The following ZNF536 variants were observed in gnomAD, a reference collection of about 807,000 sequenced individuals.
The protein encoded by ZNF536 is zinc finger protein 536.
A neutral mutation model predicts 84.5 loss-of-function variants in ZNF536; 13 were observed. The observed-to-expected ratio is 0.15, with a 90% confidence interval of 0.10 to 0.24. ZNF536 has a LOEUF of 0.24. Among genes scored for constraint, ZNF536 ranks in the 10% least tolerant of loss-of-function variants. The probability of loss-of-function intolerance (pLI) is 1.00; values close to 1 mark genes in which losing one functional copy is unlikely to be tolerated. For missense variants in ZNF536, 1,536 were observed against 1,747.5 expected (o/e 0.88, Z 2.16); for synonymous variants, 811 against 742.5 (o/e 1.09, Z -1.50).
At chr19:30,449,873 G>A (rs770669226) in intron 2 of ZNF536, among the ~76,000 whole-genome samples, 2 of 152,068 alleles carry the variant, frequency 1.3e-5, no homozygotes, top group Non-Finnish European at 2.9e-5. Flanking sequence ...CTTTATCTGG[G>A]GCGCTTTCGC....
chr19:30,444,421 G>A lies in ZNF536; in HGVS notation c.859G>A (p.Glu287Lys), dbSNP rs1249515909. 3.7e-6 allele frequency: 6 copies of A among 1,608,404 alleles called. No homozygotes were observed. The highest frequency in any genetic ancestry group is 2.2e-5 in the East Asian group (1 of 44,872). ...TFCKGKFKKREELDRHIRILH... is the reference protein window; with the variant it reads ...TFCKGKFKKRKELDRHIRILH... The stretch of plus-strand genomic sequence containing the variant: ...CTGCAAGGGCAAGTTCAAGAAGCGC[G>A]AGGAGCTGGACCGCCACATCCGCAT... The change falls in exon 2 of 5, where the codon GAG becomes AAG. Residue 287 changes from glutamate (E) to lysine (K), a missense_variant. Glu to Lys is a moderately conservative substitution (Grantham distance 56, BLOSUM62 1). Transcript: ENST00000355537.
At chr19:30,382,092 G>T (rs1018792137) in intron 1 of ZNF536, among the ~76,000 whole-genome samples, 2 of 152,194 alleles carry the variant, frequency 1.3e-5, no homozygotes, top group Admixed American at 6.5e-5. Flanking sequence ...CATTTTGGCT[G>T]ATGTGTTCAC....
chr19:30,340,731 C>T (rs760884629), intron 2 of ZNF536, among the ~76,000 whole-genome samples: 3 of 152,158 alleles, frequency 2.0e-5, no homozygotes, highest in African/African-American at 2.4e-5. Flanking sequence ...TTAACTTGTA[C>T]ACAGAGGGCC....
At chr19:30,644,830 G>A (rs1032154617) in intron 1 of ZNF536, among the ~76,000 whole-genome samples, 5 of 152,130 alleles carry the variant, frequency 3.3e-5, no homozygotes, top group Non-Finnish European at 5.9e-5. Context: ...ATAAACATAC[G>A]TGTGCATGTG....
At chr19:30,518,608 C>T (rs1047873051) in intron 2 of ZNF536, among the ~76,000 whole-genome samples, 13 of 152,134 alleles carry the variant, frequency 8.5e-5, no homozygotes, top group Non-Finnish European at 1.5e-4. Context: ...TACGCAGCAC[C>T]GCTTTGAATA....
chr19:30,264,879 GAGAA>G (rs967062098), intron 1 of ZNF536, among the ~76,000 whole-genome samples: 6 of 152,100 alleles, frequency 3.9e-5, no homozygotes, highest in Non-Finnish European at 7.4e-5. Flanking sequence ...TGTGAGGACA[GAGAA>G]AGATAAACCG....
intron 2 of ZNF536, among the ~76,000 whole-genome samples, chr19:30,310,777 C>T (rs527580833): frequency 6.6e-6 from 1 of 152,284 alleles, no homozygotes; most frequent in East Asian, 1.9e-4. Flanking sequence ...CTTCTGTTTG[C>T]GTGACTAAAT....
intron 2 of ZNF536, among the ~76,000 whole-genome samples, chr19:30,525,852 C>G (rs1487699632): frequency 2.0e-5 from 3 of 152,070 alleles, no homozygotes; most frequent in African/African-American, 7.2e-5. Flanking sequence ...GGTTGGAGTG[C>G]AGGTGGGGAG....
At chr19:30,452,677 G>T (rs1296360907) in intron 2 of ZNF536, among the ~76,000 whole-genome samples, 1 of 152,172 alleles carries the variant, frequency 6.6e-6, no homozygotes, top group Non-Finnish European at 1.5e-5. Context: ...TACCCGTAGA[G>T]CTGTTTTGGA....
At chr19:30,356,498 G>A (rs2048099862) in intron 3 of ZNF536, among the ~76,000 whole-genome samples, 2 of 152,202 alleles carry the variant, frequency 1.3e-5, no homozygotes, top group South Asian at 4.1e-4. Flanking sequence ...GCACAGAGGA[G>A]GGAGTGAATA....
chr19:30,464,616 G>A (rs944199400), intron 2 of ZNF536, among the ~76,000 whole-genome samples: 16 of 151,930 alleles, frequency 1.1e-4, no homozygotes, highest in African/African-American at 2.7e-4. Flanking sequence ...GGAAATGTGT[G>A]CAGCCAGGTG....
At chr19:30,275,298 C>CT (rs1304964146) in intron 1 of ZNF536, among the ~76,000 whole-genome samples, 1 of 152,142 alleles carries the variant, frequency 6.6e-6, no homozygotes, top group Non-Finnish European at 1.5e-5. Context: ...ACTTCTTACC[C>CT]TAAGAACACT....
intron 2 of ZNF536, among the ~76,000 whole-genome samples, chr19:30,499,385 C>A (rs1007684003): frequency 6.6e-6 from 1 of 151,696 alleles, no homozygotes; most frequent in African/African-American, 2.4e-5. Context: ...ATGTATATGT[C>A]TATGTATGTA....
chr19:30,548,556 T>G lies in ZNF536; in HGVS notation c.2937T>G (p.Ser979=), dbSNP rs200257800. 1.9e-6 allele frequency: 3 copies of G among 1,614,154 alleles called. No homozygotes were observed. The highest frequency in any genetic ancestry group is 8.5e-7 in the Non-Finnish European group (1 of 1,180,036). The change falls in exon 4 of 5, where the codon TCT becomes TCG. Residue 979 remains serine, a synonymous_variant. Coordinates refer to ENST00000355537, the MANE Select transcript of ZNF536 (RefSeq NM_014717.3). ...CTCAGTATGAACCCCTGGACTTGTC[T>G]GTGCGGCCAGATGCCGCCTCCCTCC... is the stretch of plus-strand genomic sequence containing the variant. ...EKSQYEPLDL[S]VRPDAASLPG... is the part of the protein sequence containing the mutation.
chr19:30,428,138 T>A (rs1013159190), intron 1 of ZNF536, among the ~76,000 whole-genome samples: 4 of 152,240 alleles, frequency 2.6e-5, no homozygotes, highest in African/African-American at 9.6e-5. Context: ...CTACCACGTA[T>A]GCCTCTGAAT....
chr19:30,692,522 T>A (rs1600284550), intron 1 of ZNF536, among the ~76,000 whole-genome samples: 1 of 152,212 alleles, frequency 6.6e-6, no homozygotes, highest in Non-Finnish European at 1.5e-5. Flanking sequence ...CTGAGGTTGT[T>A]GTGGGAAGTT....
chr19:30,623,873 C>A (rs1339206250), intron 1 of ZNF536, among the ~76,000 whole-genome samples: 1 of 152,150 alleles, frequency 6.6e-6, no homozygotes, highest in African/African-American at 2.4e-5. Context: ...GGAGGGGCCT[C>A]AGTGCATTTT....
At chr19:30,429,646 T>A (rs118172131) in intron 1 of ZNF536, among the ~76,000 whole-genome samples, 2 of 152,320 alleles carry the variant, frequency 1.3e-5, no homozygotes, top group Non-Finnish European at 2.9e-5. Context: ...TTTGGGTGGA[T>A]GTTTCAGATC....
chr19:30,552,778 G>C (rs2045830115), intron 4 of ZNF536, among the ~76,000 whole-genome samples: 1 of 152,190 alleles, frequency 6.6e-6, no homozygotes, highest in South Asian at 2.1e-4. Flanking sequence ...CAGCCAGTTG[G>C]GTGGGGAGAC....
Sources: gnomAD v4.1 joint callset for allele counts (sites outside exome capture counted in the v4.1 genomes callset) on GRCh38, gnomAD v4.1.1 for gene constraint, MANE v1.5 for transcripts, NCBI Gene and HGNC (gene_info 2026-07-23, HGNC 2026-07-21) for gene names.